NUMA1: variants seen among roughly 807,000 people sequenced by gnomAD.
NUMA1 encodes SP-H antigen.
In NUMA1, 62 loss-of-function variants were observed where a neutral mutation model predicts 237.1. That is an observed-to-expected ratio of 0.26 (90% confidence interval 0.21 to 0.32). The LOEUF is 0.32. NUMA1 is among the 10% of genes least tolerant of loss of function. NUMA1 has a pLI of 1.00. For synonymous variants in NUMA1, 1,028 were observed against 1,066.1 expected, an observed-to-expected ratio of 0.96 and a Z score of 0.70; for missense variants, 2,533 against 2,666.5, an observed-to-expected ratio of 0.95 and a Z score of 1.10.
intron 21 of NUMA1, among the ~76,000 whole-genome samples, chr11:72,006,592 G>C (rs1955731184): frequency 6.6e-6 from 1 of 152,192 alleles, no homozygotes; most frequent in Non-Finnish European, 1.5e-5. Context: ...CACACTGCTA[G>C]GAAGTATCAG....
chr11:72,052,623 G>A (rs1942431317), intron 2 of NUMA1, among the ~76,000 whole-genome samples: 1 of 152,076 alleles, frequency 6.6e-6, no homozygotes, highest in African/African-American at 2.4e-5. Context: ...AAAATTAGCT[G>A]GGTGTGGTCA....
At chr11:72,039,253 A>T (rs1941394962) in intron 2 of NUMA1, among the ~76,000 whole-genome samples, 1 of 152,244 alleles carries the variant, frequency 6.6e-6, no homozygotes, top group South Asian at 2.1e-4. Context: ...CCAGAGGGTC[A>T]AGTTGCTGAG....
At chr11:72,051,315 T>A (rs750937274) in intron 2 of NUMA1, among the ~76,000 whole-genome samples, 4 of 152,218 alleles carry the variant, frequency 2.6e-5, no homozygotes, top group South Asian at 4.1e-4. Flanking sequence ...CTGAAATTTA[T>A]CCCTTTTAAG....
chr11:72,017,968 C>A, intron 12 of NUMA1, 141 bp from the exon 13 acceptor site: 1 of 1,082,536 alleles, frequency 9.2e-7, no homozygotes. Flanking sequence ...CATCACACCT[C>A]TAATTCAGAA....
At chr11:72,009,211 G>A (rs781274381) in intron 18 of NUMA1, 26 bp from the exon 19 acceptor site, 3 of 417,274 alleles carry the variant, frequency 7.2e-6, no homozygotes, top group Non-Finnish European at 1.5e-5. Flanking sequence ...GTGGGTGGGT[G>A]GGGTAGAGGT....
chr11:72,004,172 T>C (rs2852365), intron 25 of NUMA1, 53 bp downstream of exon 25: 1,541,208 of 1,606,634 alleles, frequency 0.96, 740,794 homozygotes, highest in Non-Finnish European at 0.98. Flanking sequence ...CCACGCTCTA[T>C]CAGCAAGGTC....
At chr11:72,072,498 T>C (rs1423948276) in intron 1 of NUMA1, among the ~76,000 whole-genome samples, 2 of 152,162 alleles carry the variant, frequency 1.3e-5, no homozygotes, top group African/African-American at 4.8e-5. Context: ...TCAAAGAAAC[T>C]GGCCCTTCAA....
intron 10 of NUMA1, 147 bp from the exon 11 acceptor site, chr11:72,018,660 G>C (rs1458470488): frequency 4.4e-5 from 48 of 1,084,428 alleles, no homozygotes; most frequent in Middle Eastern, 6.1e-4. Context: ...GGAAAGAGAA[G>C]ATGGGGACAA....
intron 20 of NUMA1, chr11:72,008,331 A>G (rs974355494): frequency 2.0e-5 from 8 of 393,452 alleles, no homozygotes; most frequent in Admixed American, 7.4e-5. Flanking sequence ...GGTTTCCTCA[A>G]TGCCTTTAGG....
At position 72,015,360 on chromosome 11, in the gene NUMA1, T is replaced by G. The variant is rs1410462573; in HGVS notation, c.2143A>C (p.Lys715Gln). The change falls in exon 15 of 27, where the codon AAG (lysine) becomes CAG (glutamine). Residue 715 changes from lysine (K) to glutamine (Q), a missense_variant. Physicochemically the swap from Lys to Gln is moderately conservative, Grantham distance 53. Around this residue, in one of 3 missense-constraint regions of NUMA1, gnomAD observed 1,414 missense variants for 1,508.1 expected, o/e 0.94. Coordinates refer to ENST00000393695, the MANE Select transcript of NUMA1 (RefSeq NM_006185.4). The surrounding 1 kb of genome is among the most constrained non-coding windows in gnomAD (Gnocchi z 4.0). ...QALKESLKVT[K>Q]GSLEEEKRRA... ...CGCTTCTCCTCTTCAAGGCTGCCCT[T>G]GGTGACCTTCAAGGACTCTTTGAGG... is the stretch of plus-strand genomic sequence containing the variant. 6.2e-7 allele frequency: 1 copy of G among 1,613,086 alleles called. No homozygotes were observed. Among genetic ancestry groups the G allele is most frequent in the African/African-American group, 1.3e-5 (1 of 75,070 alleles).
Position 72,012,904 on chromosome 11 carries a change from G to C in NUMA1, c.4599C>G (p.Leu1533=). The C allele has an allele frequency of 6.2e-7, 1 of 1,613,848 alleles. No individual in the cohort carries two copies. The highest frequency in any genetic ancestry group is 1.1e-5 in the South Asian group (1 of 91,048). ...RQRFQEERQK[L]TAQVEQLEVF... ...GGGCTGAGTACCTTACCTGGGCAGTGAGTTTCTGCCTCTCTTCCTGGAACC... is the reference window on the plus strand; with the variant it reads ...GGGCTGAGTACCTTACCTGGGCAGTCAGTTTCTGCCTCTCTTCCTGGAACC... Residue 1533 remains leucine (L), a synonymous_variant, in exon 15 of 27, where the codon CTC becomes CTG. Coordinates refer to ENST00000393695, the MANE Select transcript of NUMA1 (RefSeq NM_006185.4).
chr11:72,007,535 G>T, intron 20 of NUMA1, 100 bp from the exon 21 acceptor site: 1 of 1,437,896 alleles, frequency 7.0e-7, no homozygotes, highest in Non-Finnish European at 9.4e-7. Context: ...ACTACAAGCA[G>T]ATGAGGTCAA....
chr11:72,030,061 G>C (rs190489900), intron 3 of NUMA1, among the ~76,000 whole-genome samples: 1 of 152,112 alleles, frequency 6.6e-6, no homozygotes, highest in Non-Finnish European at 1.5e-5. Flanking sequence ...GGAGCCAAGC[G>C]CGGTGGCTCA....
intron 1 of NUMA1, among the ~76,000 whole-genome samples, chr11:72,073,751 T>A (rs1418596930): frequency 3.9e-5 from 6 of 152,190 alleles, no homozygotes; most frequent in African/African-American, 7.2e-5. Context: ...GAATGTGGGA[T>A]GTAGAACCCA....
intron 2 of NUMA1, among the ~76,000 whole-genome samples, chr11:72,061,099 C>T (rs1942914416): frequency 6.6e-6 from 1 of 151,930 alleles, no homozygotes; most frequent in African/African-American, 2.4e-5. Flanking sequence ...TAGCCAGGCA[C>T]AGTGCTGTGT....
intron 2 of NUMA1, among the ~76,000 whole-genome samples, chr11:72,054,825 T>C (rs1438229609): frequency 6.6e-6 from 1 of 152,136 alleles, no homozygotes; most frequent in East Asian, 1.9e-4. Flanking sequence ...TGGGCTCCAT[T>C]TGGAAGACTG....
chr11:72,003,943 T>C lies in NUMA1; in HGVS notation c.6280A>G (p.Thr2094Ala), dbSNP rs2134326411. ...GCGGCAGCAGTGGCGGCGCTGGCTG[T>C]GGTGGTGGCAATGCGCGGAGAACGG... ...TRRSPRIATTTASAATAAAIG... is the reference protein window; with the variant it reads ...TRRSPRIATTAASAATAAAIG... Residue 2094 changes from threonine to alanine, a missense_variant, in exon 26 of 27, where the codon ACA becomes GCA. By Grantham distance (58) the Thr-to-Ala change is moderately conservative. This residue lies in a region of NUMA1 where 795 missense variants were observed against 750.8 expected (regional missense o/e 1.06). Transcript: ENST00000393695. The C allele has an allele frequency of 6.2e-7, 1 of 1,613,336 alleles. No homozygotes were observed. Among genetic ancestry groups the C allele is most frequent in the Non-Finnish European group, 8.5e-7 (1 of 1,179,724 alleles).
At chr11:72,059,720 A>C (rs780368669) in intron 2 of NUMA1, among the ~76,000 whole-genome samples, 1 of 152,204 alleles carries the variant, frequency 6.6e-6, no homozygotes, top group Non-Finnish European at 1.5e-5. Context: ...GCACATCTCT[A>C]ATTTTACACA....
Position 72,003,482 on chromosome 11 carries a change from T to G in NUMA1, c.*45A>C, listed in dbSNP as rs949323. On this transcript the variant is annotated 3_prime_UTR_variant, in exon 27 of 27. Coordinates refer to ENST00000393695, the MANE Select transcript of NUMA1 (RefSeq NM_006185.4). ...ACAGTAGGCGGAGGACCAGGTGAGG[T>G]CAGCATCGGGGACACAGGTGGGGCC... 0.96 allele frequency: 1,529,559 copies of G among 1,600,944 alleles called. 732,401 individuals are homozygous for G. Among genetic ancestry groups the G allele is most frequent in the Non-Finnish European group, 0.98 (1,141,377 of 1,168,312 alleles).
Sources: gnomAD v4.1 joint callset for allele counts (sites outside exome capture counted in the v4.1 genomes callset) on GRCh38, gnomAD v4.1.1 for gene constraint, gnomAD v4.1.1 regional missense constraint, Gnocchi (gnomAD v3.1) non-coding constraint, MANE v1.5 for transcripts, NCBI Gene and HGNC (gene_info 2026-07-23, HGNC 2026-07-21) for gene names.